B3GAT1: variants seen among roughly 807,000 people sequenced by gnomAD.
B3GAT1 encodes the protein galactosylgalactosylxylosylprotein 3-beta-glucuronosyltransferase 1.
In B3GAT1, 11 loss-of-function variants were observed where a neutral mutation model predicts 28.4. The observed-to-expected ratio is 0.39, with a 90% confidence interval of 0.24 to 0.64. B3GAT1 has a LOEUF of 0.64. B3GAT1 is among the 30% of genes least tolerant of loss of function. The probability of loss-of-function intolerance (pLI) is 0.50; values close to 1 mark genes in which losing one functional copy is unlikely to be tolerated. For missense variants in B3GAT1, 375 were observed against 491.0 expected (o/e 0.76, Z 2.23); for synonymous variants, 255 against 223.1 (o/e 1.14, Z -1.27).
At chr11:134,400,943 A>G (rs1363191458) in intron 1 of B3GAT1, among the ~76,000 whole-genome samples, 2 of 152,220 alleles carry the variant, frequency 1.3e-5, no homozygotes, top group South Asian at 2.1e-4. Flanking sequence ...AAACACATGA[A>G]CAGACACTTC....
chr11:134,402,511 C>T (rs1390681190), intron 1 of B3GAT1, among the ~76,000 whole-genome samples: 1 of 152,128 alleles, frequency 6.6e-6, no homozygotes, highest in Non-Finnish European at 1.5e-5. Flanking sequence ...CCTCCTACTT[C>T]CAGGGCTCCC....
At position 134,380,172 on chromosome 11, in the gene B3GAT1, C is replaced by T. The variant is rs191540514; in HGVS notation, c.*590G>A. ...CCAAGACAGCCTTATGCTCTGTAAA[C>T]GTGAACCAGAGGAGAGCCACAGAGG... On this transcript the variant is annotated 3_prime_UTR_variant, in exon 6 of 6. Transcript: ENST00000312527. The T allele has an allele frequency of 4.2e-3, 640 of 152,424 alleles. 1 individual carries two copies. Among genetic ancestry groups the T allele is most frequent in the Non-Finnish European group, 6.0e-3 (409 of 68,094 alleles). 9.4% of individuals were successfully genotyped at this position (152,424 alleles called of 1,614,324 possible). A position where few individuals can be genotyped will look rare whatever the true frequency, so the allele number is the denominator to read the frequency against.
intron 1 of B3GAT1, among the ~76,000 whole-genome samples, chr11:134,403,066 G>A (rs1944653271): frequency 6.6e-6 from 1 of 152,156 alleles, no homozygotes. Context: ...TGACAGTGGA[G>A]TGTGCTGATA....
In B3GAT1 at chr11:134,384,036, C is replaced by T; in HGVS notation, c.265G>A (p.Val89Met). 2 of 1,605,666 alleles carry T rather than the reference C, an allele frequency of 1.2e-6. No individual in the cohort carries two copies. The highest frequency in any genetic ancestry group is 8.5e-7 in the Non-Finnish European group (1 of 1,179,112). Residue 89 changes from valine to methionine, a missense_variant, in exon 3 of 6, where the codon GTG becomes ATG. By Grantham distance (21) the Val-to-Met change is conservative. Coordinates refer to ENST00000312527, the MANE Select transcript of B3GAT1 (RefSeq NM_054025.3). ...WSDTLPTIHV[V>M]TPTYSRPVQK... ...ACCGGGCGGCTGTAGGTGGGCGTCA[C>T]CACGTGGATGGTGGGCAGCGTGTCG...
rs759233252 is a variant in B3GAT1 at position 134,383,038 on chromosome 11, G to T, written c.622-32C>A. 7 of 1,510,208 alleles carry T rather than the reference G, an allele frequency of 4.6e-6. No homozygotes were observed. The East Asian group carries it at 1.5e-4, about 32-fold the overall frequency. 93.6% of individuals were successfully genotyped at this position (1,510,208 alleles called of 1,614,324 possible). A position where few individuals can be genotyped will look rare whatever the true frequency, so the allele number is the denominator to read the frequency against. On this transcript the variant is annotated intron_variant, in intron 3 of 5. Transcript: ENST00000312527. ...GGGGGGGGTCCAGAGTCAGGGCGCC[G>T]GCACTGCAGATGAGGACGGCCGCGC...
rs146320474 is a variant in B3GAT1, at chr11:134,400,810, C to A, written c.-282+10997G>T. ...AAGAGCTTCTGTGCAGCAAAAGAAG[C>A]TCTTAACAGAGTGAACGGACAACCT... On this transcript the variant is annotated intron_variant, in intron 1 of 5. Transcript: ENST00000312527. 3.7e-3 allele frequency among the ~76,000 whole-genome samples: 565 copies of A among 152,326 alleles called. 4 individuals carry two copies. Among genetic ancestry groups the A allele is most frequent in the African/African-American group, 0.012 (515 of 41,572 alleles).
At chr11:134,384,398 A>T in intron 2 of B3GAT1, 1 of 578,526 alleles carries the variant, frequency 1.7e-6, no homozygotes, top group Non-Finnish European at 2.9e-6. Context: ...CTGATGACAC[A>T]GACATAACCT....
intron 1 of B3GAT1, among the ~76,000 whole-genome samples, chr11:134,407,475 C>G (rs909120017): frequency 6.6e-6 from 1 of 152,244 alleles, no homozygotes; most frequent in Admixed American, 6.5e-5. Flanking sequence ...AGAGAGAGCT[C>G]CTGCCATGGC....
chr11:134,398,279 T>C (rs888227055), intron 1 of B3GAT1, among the ~76,000 whole-genome samples: 4 of 152,300 alleles, frequency 2.6e-5, no homozygotes, highest in South Asian at 2.1e-4. Flanking sequence ...CTGTGCCCTG[T>C]TGACAAATCC....
At chr11:134,390,157 G>A (rs1944380992) in intron 1 of B3GAT1, 1 of 152,292 alleles carries the variant, frequency 6.6e-6, no homozygotes, top group African/African-American at 2.4e-5. Context: ...CTGGCCCAGT[G>A]AGGGACAGAG....
rs1045721 is a variant in B3GAT1 at position 134,379,712 on chromosome 11, G to A, written c.*1050C>T. 13,879 of 152,328 alleles carry A rather than the reference G, an allele frequency of 0.091. 914 individuals carry two copies. Among genetic ancestry groups the A allele is most frequent in the Non-Finnish European group, 0.13 (8,950 of 68,080 alleles). 9.4% of individuals were successfully genotyped at this position (152,328 alleles called of 1,614,324 possible). ...GCTACTCCAGAGTCCCTCCTCCTCA[G>A]ACCAGGGGCAGGAGGGAGTTAGGGA... is the stretch of plus-strand genomic sequence containing the variant. On this transcript the variant is annotated 3_prime_UTR_variant, in exon 6 of 6. Transcript: ENST00000312527.
intron 1 of B3GAT1, among the ~76,000 whole-genome samples, chr11:134,405,998 C>G (rs987150760): frequency 6.6e-5 from 10 of 152,252 alleles, no homozygotes; most frequent in African/African-American, 2.2e-4. Context: ...TGAGGAAACG[C>G]TCATGCAGCC....
rs1439342049 is a variant in B3GAT1, at chr11:134,382,951, C to T, written c.677G>A (p.Arg226Gln). Residue 226 changes from arginine to glutamine, a missense_variant, in exon 4 of 6, where the codon CGG becomes CAG. Arg to Gln is a conservative substitution (Grantham distance 43). Coordinates refer to ENST00000312527, the MANE Select transcript of B3GAT1 (RefSeq NM_054025.3). ...CCCGTTCACCCGTGGGGCCTCGTACCGCAGGCCACCCACGAAGGCGACGGG... is the reference window on the plus strand; with the variant it reads ...CCCGTTCACCCGTGGGGCCTCGTACTGCAGGCCACCCACGAAGGCGACGGG... ...VWPVAFVGGL[R>Q]YEAPRVNGAG... The T allele has an allele frequency of 1.2e-6, 2 of 1,605,422 alleles. No individual in the cohort carries two copies. Among genetic ancestry groups the T allele is most frequent in the South Asian group, 1.1e-5 (1 of 89,930 alleles).
At chr11:134,388,781 T>A (rs1944349795) in intron 1 of B3GAT1, 2 of 152,244 alleles carry the variant, frequency 1.3e-5, no homozygotes. Flanking sequence ...GCAAAGGCCA[T>A]GATTTTGTCC....
At chr11:134,409,071 A>T (rs937047181) in intron 1 of B3GAT1, among the ~76,000 whole-genome samples, 25 of 152,230 alleles carry the variant, frequency 1.6e-4, no homozygotes, top group Non-Finnish European at 2.2e-4. Context: ...TAAAATAAAT[A>T]GATTAAATTA....
intron 1 of B3GAT1, among the ~76,000 whole-genome samples, chr11:134,394,790 G>C (rs971228827): frequency 2.0e-5 from 3 of 152,238 alleles, no homozygotes; most frequent in African/African-American, 7.2e-5. Flanking sequence ...TTGGGCAGAA[G>C]GAAGTATTAG....
chr11:134,382,095 C>G, intron 4 of B3GAT1, 71 bp from the exon 5 acceptor site: 2 of 1,274,288 alleles, frequency 1.6e-6, no homozygotes, highest in Non-Finnish European at 2.3e-6. Flanking sequence ...CCTGCTCCCT[C>G]CCACACTGTG....
chr11:134,407,469 A>T (rs1207647998), intron 1 of B3GAT1, among the ~76,000 whole-genome samples: 2 of 152,218 alleles, frequency 1.3e-5, no homozygotes, highest in African/African-American at 4.8e-5. Flanking sequence ...ATGAGAAGAG[A>T]GAGCTCCTGC....
chr11:134,396,004 C>G (rs1031170763), intron 1 of B3GAT1, among the ~76,000 whole-genome samples: 11 of 152,180 alleles, frequency 7.2e-5, no homozygotes, highest in African/African-American at 2.7e-4. Context: ...GGACTGCCCT[C>G]AGCTCCTGGG....
Sources: allele counts gnomAD v4.1 joint callset (sites outside exome capture counted in the v4.1 genomes callset), GRCh38; gene constraint gnomAD v4.1.1; transcripts MANE v1.5; gene names NCBI Gene and HGNC (gene_info 2026-07-23, HGNC 2026-07-21).